The following SLC46A1 variants were observed in gnomAD, a reference collection of about 807,000 sequenced individuals.
SLC46A1 encodes the protein solute carrier family 46 member 1.
A neutral mutation model predicts 32.1 loss-of-function variants in SLC46A1; 17 were observed. The observed-to-expected ratio is 0.53, with a 90% confidence interval of 0.36 to 0.79. The LOEUF (loss-of-function observed/expected upper bound fraction) is 0.79. Among genes scored for constraint, SLC46A1 ranks in the 30% least tolerant of loss-of-function variants. The pLI is 0.00. For missense variants in SLC46A1, 517 were observed against 588.2 expected (o/e 0.88, Z 1.25); for synonymous variants, 240 against 262.7 (o/e 0.91, Z 0.84).
chr17:28,396,249 C>T lies in SLC46A1; in HGVS notation c.*3407G>A. ...CGGGACTCATCTGCAGGCTCTGACACCAGTTTGGAGGGTGCTGCACCCATG... is the reference window on the plus strand; with the variant it reads ...CGGGACTCATCTGCAGGCTCTGACATCAGTTTGGAGGGTGCTGCACCCATG... On this transcript the variant is annotated 3_prime_UTR_variant, in exon 5 of 5. Coordinates refer to ENST00000612814, the MANE Select transcript of SLC46A1 (RefSeq NM_080669.6). 6.2e-7 allele frequency: 1 copy of T among 1,614,022 alleles called. No individual in the cohort carries two copies. The highest frequency in any genetic ancestry group is 8.5e-7 in the Non-Finnish European group (1 of 1,179,872).
chr17:28,406,044 G>A lies in SLC46A1; in HGVS notation c.71C>T (p.Pro24Leu), dbSNP rs1192448181. The change falls in exon 1 of 5, where the codon CCG becomes CTG. Residue 24 changes from proline (P) to leucine (L), a missense_variant. Physicochemically the swap from Pro to Leu is moderately conservative, Grantham distance 98. Coordinates refer to ENST00000612814, the MANE Select transcript of SLC46A1 (RefSeq NM_080669.6). The surrounding 1 kb of genome is among the most constrained non-coding windows in gnomAD (Gnocchi z 4.5). Reference sequence around the variant, plus strand: ...GGCCAGGAAGACCAGCGGCTCTACCGGGCCCCGGCACAGCACGGCAGCCGC... The same window carrying A: ...GGCCAGGAAGACCAGCGGCTCTACCAGGCCCCGGCACAGCACGGCAGCCGC... The part of the protein sequence containing the change: ...RPAAAVLCRG[P>L]VEPLVFLANF... 3 of 1,606,310 alleles carry A rather than the reference G, an allele frequency of 1.9e-6. No individual in the cohort carries two copies. The highest frequency in any genetic ancestry group is 2.5e-6 in the Non-Finnish European group (3 of 1,177,704).
Position 28,396,306 on chromosome 17 carries a change from C to A in SLC46A1, c.*3350G>T. Reference sequence around the variant, plus strand: ...ACCTAACCAGTCCCCAGTTCCCCAGCCCTGCTGTGACTTCCATTTCCATCG... The same window carrying A: ...ACCTAACCAGTCCCCAGTTCCCCAGACCTGCTGTGACTTCCATTTCCATCG... On this transcript the variant is annotated 3_prime_UTR_variant, in exon 5 of 5. Transcript: ENST00000612814. 1.2e-6 allele frequency: 2 copies of A among 1,613,166 alleles called. No homozygotes were observed. Among genetic ancestry groups the A allele is most frequent in the Non-Finnish European group, 8.5e-7 (1 of 1,179,416 alleles).
chr17:28,399,897 CT>C (rs879947353), intron 4 of SLC46A1, 184 bp from the exon 5 acceptor site: 55,049 of 431,134 alleles, frequency 0.13, 3 homozygotes, highest in South Asian at 0.2. Flanking sequence ...TGGAAAATAA[CT>C]TTTTTTTTTT....
At chr17:28,402,070 C>T (rs2068202374) in intron 3 of SLC46A1, 168 bp downstream of exon 3, 1 of 581,366 alleles carries the variant, frequency 1.7e-6, no homozygotes, top group Admixed American at 3.0e-5. Flanking sequence ...TGGCATGATC[C>T]TCTGCCCATT....
At position 28,406,073 on chromosome 17, in the gene SLC46A1, G is replaced by A; in HGVS notation, c.42C>T (p.Arg14=). The change falls in exon 1 of 5, where the codon CGC becomes CGT. Residue 14 remains arginine (R), a synonymous_variant. Coordinates refer to ENST00000612814, the MANE Select transcript of SLC46A1 (RefSeq NM_080669.6). This position sits in a 1 kb window ranked among gnomAD's most constrained non-coding sequence, Gnocchi z 4.5. ...SASPPEKPRA[R]PAAAVLCRGP... Reference sequence around the variant, plus strand: ...CCCGGCACAGCACGGCAGCCGCAGGGCGGGCGCGGGGCTTTTCCGGGGGGC... The same window carrying A: ...CCCGGCACAGCACGGCAGCCGCAGGACGGGCGCGGGGCTTTTCCGGGGGGC... 1 of 1,589,234 alleles carries A rather than the reference G, an allele frequency of 6.3e-7. No homozygotes were observed. Among genetic ancestry groups the A allele is most frequent in the Non-Finnish European group, 8.5e-7 (1 of 1,169,988 alleles).
At position 28,396,796 on chromosome 17, in the gene SLC46A1, T is replaced by G; in HGVS notation, c.*2860A>C. On this transcript the variant is annotated 3_prime_UTR_variant, in exon 5 of 5. Coordinates refer to ENST00000612814, the MANE Select transcript of SLC46A1 (RefSeq NM_080669.6). Reference sequence around the variant, plus strand: ...TGTGCCTGGCCCCTGCACTTACAACTTCCTGCCGCTCTGTGGCCTTGCCCT... The same window carrying G: ...TGTGCCTGGCCCCTGCACTTACAACGTCCTGCCGCTCTGTGGCCTTGCCCT... 1 of 156,764 alleles carries G rather than the reference T, an allele frequency of 6.4e-6. No individual in the cohort carries two copies. Among genetic ancestry groups the G allele is most frequent in the Non-Finnish European group, 1.4e-5 (1 of 70,924 alleles). 9.7% of individuals were successfully genotyped at this position (156,764 alleles called of 1,614,324 possible).
At chr17:28,405,685 A>C (rs2068251456) in intron 1 of SLC46A1, 1 of 948,300 alleles carries the variant, frequency 1.1e-6, no homozygotes, top group African/African-American at 1.7e-5. Context: ...GTTAACCTGC[A>C]AGGCCAGACT....
Position 28,405,356 on chromosome 17 carries a change from C to A in SLC46A1, c.341G>T (p.Arg114Leu), listed in dbSNP as rs369959215. ...LGAWSDSVGR[R>L]PLLVLASLGL... ...CAGCGAGGCCAGCACTAGCAGCGGG[C>A]GGCGGCCCACACTGTCGCTCCAAGC... Residue 114 changes from arginine to leucine, a missense_variant, in exon 2 of 5, where the codon CGC (arginine) becomes CTC (leucine). By Grantham distance (102) the Arg-to-Leu change is moderately radical. Transcript: ENST00000612814. 4.3e-5 allele frequency: 68 copies of A among 1,585,540 alleles called. No homozygotes were observed. Among genetic ancestry groups the A allele is most frequent in the Middle Eastern group, 3.3e-4 (2 of 6,014 alleles).
Position 28,405,320 on chromosome 17 carries a change from A to T in SLC46A1, c.377T>A (p.Leu126His). 6.3e-7 allele frequency: 1 copy of T among 1,590,232 alleles called. No homozygotes were observed. Among genetic ancestry groups the T allele is most frequent in the African/African-American group, 1.3e-5 (1 of 74,486 alleles). The change falls in exon 2 of 5, where the codon CTC (leucine) becomes CAC (histidine). Residue 126 changes from leucine (L) to histidine (H), a missense_variant. Physicochemically the swap from Leu to His is moderately conservative, Grantham distance 99. Coordinates refer to ENST00000612814, the MANE Select transcript of SLC46A1 (RefSeq NM_080669.6). Reference protein sequence around the residue: ...LLVLASLGLLLQALVSVFVVQ... With the variant: ...LLVLASLGLLHQALVSVFVVQ... Reference sequence around the variant, plus strand: ...CACAAAAACGGACACTAGGGCCTGGAGCAGCAGGCCCAGCGAGGCCAGCAC... The same window carrying T: ...CACAAAAACGGACACTAGGGCCTGGTGCAGCAGGCCCAGCGAGGCCAGCAC...
rs531197061 is a variant in SLC46A1 at position 28,398,963 on chromosome 17, C to T, written c.*693G>A. On this transcript the variant is annotated 3_prime_UTR_variant, in exon 5 of 5. Transcript: ENST00000612814. ...TGCCCAGCCCAGCAGCTTCTGTTGT[C>T]TAACGTATGGCAGGCAGACTGGGAG... 15 of 152,472 alleles carry T rather than the reference C, an allele frequency of 9.8e-5. No homozygotes were observed. Among genetic ancestry groups the T allele is most frequent in the African/African-American group, 3.6e-4 (15 of 41,570 alleles). The allele number at this position is 152,472 out of a possible 1,614,324, so 9.4% of individuals were successfully genotyped here.
rs2068114534 is a variant in SLC46A1 at position 28,395,836 on chromosome 17, C to A, written c.*3820G>T. ...AGCCTCGGGCCAGTGGGCCTCCCAG[C>A]ACCTGCCTGGCTACAAGGGTCCCTA... is the stretch of plus-strand genomic sequence containing the variant. On this transcript the variant is annotated 3_prime_UTR_variant, in exon 5 of 5. Transcript: ENST00000612814. 2 of 1,592,390 alleles carry A rather than the reference C, an allele frequency of 1.3e-6. No homozygotes were observed. Among genetic ancestry groups the A allele is most frequent in the Admixed American group, 3.3e-5 (2 of 59,748 alleles).
rs782144071 is a variant in SLC46A1 at position 28,405,927 on chromosome 17, C to G, written c.188G>C (p.Arg63Thr). Residue 63 changes from arginine to threonine, a missense_variant, in exon 1 of 5, where the codon AGG becomes ACG. By Grantham distance (71) the Arg-to-Thr change is moderately conservative. Transcript: ENST00000612814. ...CGCGCTGCGGTTGCTGCAGCCCCCC[C>G]TTTGGCGGGTGCCATTGTAGCCGAG... ...ADLGYNGTRQ[R>T]GGCSNRSADP... 5 of 1,609,592 alleles carry G rather than the reference C, an allele frequency of 3.1e-6. No individual in the cohort carries two copies. In the African/African-American group the frequency reaches 6.7e-5, roughly 21 times the overall value.
rs782316541 is a variant in SLC46A1 at position 28,399,552 on chromosome 17, C to T, written c.*104G>A. 8.3e-7 allele frequency: 1 copy of T among 1,210,590 alleles called. No individual in the cohort carries two copies. The highest frequency in any genetic ancestry group is 1.2e-6 in the Non-Finnish European group (1 of 829,018). 75.0% of individuals were successfully genotyped at this position (1,210,590 alleles called of 1,614,324 possible). ...GTCCAAAGAGAGCACTGCCCTTAGA[C>T]AAGAGTTGCTTGTCCTGCTGTGGGC... On this transcript the variant is annotated 3_prime_UTR_variant, in exon 5 of 5. Coordinates refer to ENST00000612814, the MANE Select transcript of SLC46A1 (RefSeq NM_080669.6).
intron 2 of SLC46A1, 90 bp downstream of exon 2, chr17:28,404,526 A>G: frequency 6.6e-7 from 1 of 1,513,050 alleles, no homozygotes; most frequent in Non-Finnish European, 9.0e-7. Context: ...AGACACAGGA[A>G]TGAACCACAT....
intron 2 of SLC46A1, chr17:28,404,082 C>T (rs1481374784): frequency 1.9e-5 from 3 of 157,380 alleles, no homozygotes; most frequent in Non-Finnish European, 4.2e-5. Context: ...GACCCTCTCC[C>T]ATCAAAAAAA....
chr17:28,400,624 CG>C lies in SLC46A1; in HGVS notation c.1307del (p.Pro436ArgfsTer4), dbSNP rs1180381795. The C allele has an allele frequency of 1.2e-6, 2 of 1,613,550 alleles. No homozygotes were observed. Among genetic ancestry groups the C allele is most frequent in the African/African-American group, 1.3e-5 (1 of 74,870 alleles). On this transcript the variant is annotated frameshift_variant, in exon 4 of 5. Transcript: ENST00000612814. LOFTEE classifies it high-confidence loss of function. ...CCCTGCATTACCCAATCAGAACAGC[CG>C]GGATGAGCAGGAGGCCAGCTCCCAG... ...FLLGAGLLLI[P>X]AVLIGMLEKA...
At position 28,394,895 on chromosome 17, in the gene SLC46A1, T is replaced by C. The variant is rs2068101757; in HGVS notation, c.*4761A>G. On this transcript the variant is annotated 3_prime_UTR_variant, in exon 5 of 5. Transcript: ENST00000612814. ...CAGTGCGTATGTTACAGTGCTTTGA[T>C]TGGTTATAGATTGCTACATTCCAAG... The C allele has an allele frequency of 1.3e-5, 2 of 152,154 alleles. No homozygotes were observed. Among genetic ancestry groups the C allele is most frequent in the African/African-American group, 4.8e-5 (2 of 41,432 alleles). 9.4% of individuals were successfully genotyped at this position (152,154 alleles called of 1,614,324 possible). A position where few individuals can be genotyped will look rare whatever the true frequency, so the allele number is the denominator to read the frequency against.
rs1027658221 is a variant in SLC46A1, at chr17:28,396,228, A to T, written c.*3428T>A. On this transcript the variant is annotated 3_prime_UTR_variant, in exon 5 of 5. Transcript: ENST00000612814. ...TTCCTGCAGGGCCGCTCCTCCCGGG[A>T]CTCATCTGCAGGCTCTGACACCAGT... 5.6e-6 allele frequency: 9 copies of T among 1,613,684 alleles called. No homozygotes were observed. Among genetic ancestry groups the T allele is most frequent in the Non-Finnish European group, 7.6e-6 (9 of 1,179,806 alleles).
Position 28,404,985 on chromosome 17 carries a change from T to TTGGC in SLC46A1, c.708_711dup (p.Lys238AlafsTer56). ...CGGAACGTGAAGAGCCGGGTGGACT[T>TTGGC]TGGCTCCTTTAAGGTCTCACCAAAG... On this transcript the variant is annotated frameshift_variant, in exon 2 of 5. Coordinates refer to ENST00000612814, the MANE Select transcript of SLC46A1 (RefSeq NM_080669.6). LOFTEE classifies it high-confidence loss of function. The TTGGC allele has an allele frequency of 6.2e-7, 1 of 1,614,018 alleles. No individual in the cohort carries two copies. Among genetic ancestry groups the TTGGC allele is most frequent in the Non-Finnish European group, 8.5e-7 (1 of 1,179,900 alleles).
Sources: allele counts gnomAD v4.1 joint callset, GRCh38; gene constraint gnomAD v4.1.1; non-coding constraint Gnocchi (gnomAD v3.1); transcripts MANE v1.5; gene names NCBI Gene and HGNC (gene_info 2026-07-23, HGNC 2026-07-21).